CCDC144A: variants seen among roughly 807,000 people sequenced by gnomAD.
The protein encoded by CCDC144A is coiled-coil domain-containing protein 144A.
A neutral mutation model predicts 143.8 loss-of-function variants in CCDC144A; 41 were observed. The ratio of observed to expected loss-of-function variants is 0.29; its 90% CI spans 0.22 to 0.37. The LOEUF is 0.37. CCDC144A is among the 10% of genes least tolerant of loss of function. The pLI is 1.00. For missense variants in CCDC144A, 637 were observed against 1,488.8 expected (o/e 0.43, Z 9.41); for synonymous variants, 242 against 517.9 (o/e 0.47, Z 7.23).
Position 16,690,643 on chromosome 17 carries a change from T to C in CCDC144A, c.243T>C (p.Leu81=), listed in dbSNP as rs760437334. 6.2e-7 allele frequency: 1 copy of C among 1,613,736 alleles called. No individual in the cohort carries two copies. The highest frequency in any genetic ancestry group is 1.1e-5 in the South Asian group (1 of 91,064). ...AGCACGACGTCCGCCTGGAAGATCTTGGCGAGCTCCACAGAGCTGCCCGGT... is the reference window on the plus strand; with the variant it reads ...AGCACGACGTCCGCCTGGAAGATCTCGGCGAGCTCCACAGAGCTGCCCGGT... ...QPQHDVRLED[L]GELHRAARSG... is the part of the protein sequence containing the mutation. Residue 81 remains leucine (L), a synonymous_variant, in exon 1 of 17, where the codon CTT becomes CTC. Transcript: ENST00000399273.
chr17:16,720,132 T>A, intron 6 of CCDC144A, 66 bp from the exon 7 acceptor site: 1 of 1,470,224 alleles, frequency 6.8e-7, no homozygotes, highest in Non-Finnish European at 9.1e-7. Flanking sequence ...AAAACAGTAG[T>A]GTTAGATATT....
chr17:16,704,310 C>T (rs1597538479), intron 2 of CCDC144A, among the ~76,000 whole-genome samples: 1 of 152,178 alleles, frequency 6.6e-6, no homozygotes, highest in African/African-American at 2.4e-5. Context: ...AAAAAATTAG[C>T]CGGGCGTAGT....
chr17:16,676,569 A>C, the CCDC144A span, among the ~76,000 whole-genome samples: 1 of 151,920 alleles, frequency 6.6e-6, no homozygotes, highest in Non-Finnish European at 1.5e-5. Flanking sequence ...TTTTAGAAAT[A>C]GCATTTTGAC....
In CCDC144A at chr17:16,775,927, A is replaced by T. The variant is rs1915987437; in HGVS notation, c.*2294A>T. On this transcript the variant is annotated 3_prime_UTR_variant, in exon 17 of 17. Coordinates refer to ENST00000399273, the MANE Select transcript of CCDC144A (RefSeq NM_001382000.1). ...CCGTTTCAATTTGCTGCATATGGCTAGCCAGTTCTCCCAGCACCATTTATT... is the reference window on the plus strand; with the variant it reads ...CCGTTTCAATTTGCTGCATATGGCTTGCCAGTTCTCCCAGCACCATTTATT... 6.6e-6 allele frequency: 1 copy of T among 152,278 alleles called. No individual in the cohort carries two copies. The highest frequency in any genetic ancestry group is 1.5e-5 in the Non-Finnish European group (1 of 68,076). 9.4% of individuals were successfully genotyped at this position (152,278 alleles called of 1,614,324 possible).
intron 8 of CCDC144A, among the ~76,000 whole-genome samples, chr17:16,725,002 A>ATTTTTTTTTT (rs1167527388): frequency 2.7e-5 from 1 of 37,268 alleles, no homozygotes; most frequent in African/African-American, 8.3e-5. Flanking sequence ...ATAGCTGGTA[A>ATTTTTTTTTT]TTTTTTTTTT....
chr17:16,699,772 T>C (rs1911628810), intron 2 of CCDC144A, among the ~76,000 whole-genome samples: 4 of 151,604 alleles, frequency 2.6e-5, no homozygotes. Flanking sequence ...TAGAATATAT[T>C]GTCAGTCATT....
intron 6 of CCDC144A, among the ~76,000 whole-genome samples, chr17:16,717,505 A>G (rs1442083495): frequency 2.0e-5 from 3 of 152,124 alleles, no homozygotes; most frequent in Admixed American, 6.5e-5. Flanking sequence ...CCTAGACTCC[A>G]TGGGACTAAT....
chr17:16,685,600 C>T (rs1261934460), upstream of CCDC144A, among the ~76,000 whole-genome samples: 7 of 152,016 alleles, frequency 4.6e-5, no homozygotes, highest in Non-Finnish European at 8.8e-5. Context: ...CCAGGCCGGT[C>T]TTGAACTCCT....
chr17:16,738,542 G>A (rs1914124680), intron 12 of CCDC144A, among the ~76,000 whole-genome samples: 1 of 151,276 alleles, frequency 6.6e-6, no homozygotes, highest in South Asian at 2.1e-4. Flanking sequence ...CACACAATGT[G>A]TGGTGGTCTT....
At chr17:16,716,219 A>T (rs1912744519) in intron 6 of CCDC144A, among the ~76,000 whole-genome samples, 1 of 152,222 alleles carries the variant, frequency 6.6e-6, no homozygotes, top group Non-Finnish European at 1.5e-5. Context: ...CTACATAGTT[A>T]AAAAACAAGC....
At chr17:16,680,581 A>G in the CCDC144A span, among the ~76,000 whole-genome samples, 1 of 149,496 alleles carries the variant, frequency 6.7e-6, no homozygotes, top group Non-Finnish European at 1.5e-5. Context: ...GAAAGAGAGA[A>G]AGAGAGAGAG....
chr17:16,697,898 T>C (rs558241633), intron 2 of CCDC144A, among the ~76,000 whole-genome samples: 213 of 152,376 alleles, frequency 1.4e-3, no homozygotes, highest in African/African-American at 4.9e-3. Flanking sequence ...GTTTCTGGCT[T>C]GTGCCCTAGC....
intron 15 of CCDC144A, chr17:16,766,095 T>C (rs1242215505): frequency 6.6e-6 from 1 of 152,414 alleles, no homozygotes; most frequent in Non-Finnish European, 1.5e-5. Context: ...AATCAATATA[T>C]TTAAGAAGTA....
the CCDC144A span, among the ~76,000 whole-genome samples, chr17:16,673,141 T>A: frequency 6.6e-6 from 1 of 152,036 alleles, no homozygotes; most frequent in Non-Finnish European, 1.5e-5. Context: ...AGCATTTTCT[T>A]TTTTTACTGA....
the CCDC144A span, among the ~76,000 whole-genome samples, chr17:16,683,205 C>T: frequency 9.1e-4 from 139 of 152,026 alleles, 1 homozygote; most frequent in African/African-American, 3.0e-3. Flanking sequence ...AGGGTTCTCA[C>T]CACAAAAAGT....
chr17:16,744,074 C>T (rs1466625087), intron 12 of CCDC144A, among the ~76,000 whole-genome samples: 2 of 152,116 alleles, frequency 1.3e-5, no homozygotes, highest in Non-Finnish European at 2.9e-5. Flanking sequence ...TTTCTTAATC[C>T]AGTGCATCAT....
intron 15 of CCDC144A, among the ~76,000 whole-genome samples, chr17:16,771,179 A>G (rs542179288): frequency 1.8e-4 from 28 of 152,382 alleles, no homozygotes; most frequent in African/African-American, 6.7e-4. Flanking sequence ...GACACCTTTC[A>G]TAATTAAGTA....
intron 6 of CCDC144A, among the ~76,000 whole-genome samples, chr17:16,712,879 C>A (rs1246252299): frequency 6.6e-6 from 1 of 152,072 alleles, no homozygotes; most frequent in East Asian, 1.9e-4. Context: ...TTGGAATTCT[C>A]GTAATATCTG....
At chr17:16,738,363 A>G (rs1252365519) in intron 12 of CCDC144A, among the ~76,000 whole-genome samples, 1 of 141,402 alleles carries the variant, frequency 7.1e-6, no homozygotes, top group Non-Finnish European at 1.5e-5. Context: ...CTCATACCAT[A>G]CAGTTTACCC....
Sources: allele counts gnomAD v4.1 joint callset (sites outside exome capture counted in the v4.1 genomes callset), GRCh38; gene constraint gnomAD v4.1.1; transcripts MANE v1.5; gene names NCBI Gene and HGNC (gene_info 2026-07-23, HGNC 2026-07-21).